Variants in CDYL2 observed in about 807,000 individuals in gnomAD.
CDYL2 encodes chromodomain Y like 2.
CDYL2 carries 23 observed loss-of-function variants against 49.4 expected under a neutral mutation model. That is an observed-to-expected ratio of 0.47 (90% CI 0.34 to 0.66). The LOEUF is 0.66. Ranked by LOEUF, CDYL2 falls within the 30% of genes least tolerant of loss-of-function variation. CDYL2 has a pLI of 0.01. For missense variants in CDYL2, 678 were observed against 656.4 expected (o/e 1.03, Z -0.36); for synonymous variants, 360 against 268.8 (o/e 1.34, Z -3.32).
At chr16:80,604,698 C>T in intron 6 of CDYL2, 152 bp from the exon 7 acceptor site, 2 of 745,552 alleles carry the variant, frequency 2.7e-6, no homozygotes, top group South Asian at 1.7e-5. Context: ...CCCATGTTTC[C>T]AGCACGGCCA....
intron 6 of CDYL2, among the ~76,000 whole-genome samples, chr16:80,606,893 T>C (rs936385994): frequency 2.6e-5 from 4 of 152,206 alleles, no homozygotes; most frequent in East Asian, 1.9e-4. Context: ...CCTTTGGCCT[T>C]CCGCCATGAT....
intron 2 of CDYL2, among the ~76,000 whole-genome samples, chr16:80,641,890 A>C (rs1195142153): frequency 6.6e-6 from 1 of 151,276 alleles, no homozygotes; most frequent in Non-Finnish European, 1.5e-5. Context: ...TAAAACTTAA[A>C]GTATAATAAT....
intron 1 of CDYL2, among the ~76,000 whole-genome samples, chr16:80,766,590 G>A (rs1204758745): frequency 6.6e-6 from 1 of 152,084 alleles, no homozygotes; most frequent in Non-Finnish European, 1.5e-5. Context: ...CAATGAGGCA[G>A]GCACTACTCT....
At chr16:80,684,447 G>T in intron 2 of CDYL2, 91 bp downstream of exon 2, 1 of 1,182,132 alleles carries the variant, frequency 8.5e-7, no homozygotes, top group Admixed American at 2.2e-5. Context: ...GGGGATGGAG[G>T]TGGGGGTCTT....
At chr16:80,749,447 T>A (rs1016664515) in intron 1 of CDYL2, among the ~76,000 whole-genome samples, 3 of 151,962 alleles carry the variant, frequency 2.0e-5, no homozygotes, top group Non-Finnish European at 2.9e-5. Flanking sequence ...AAATACTCAA[T>A]AAATACCAAA....
In CDYL2 at chr16:80,684,822, G is replaced by C. The variant is rs201777900; in HGVS notation, c.332C>G (p.Pro111Arg). ...CCCTTTTTTTGGCTTGGCCAGGGGAGGGTTAATTCGCTTCCGTTTATGGGA... is the reference window on the plus strand; with the variant it reads ...CCCTTTTTTTGGCTTGGCCAGGGGACGGTTAATTCGCTTCCGTTTATGGGA... ...GTSHKRKRIN[P>R]PLAKPKKGYS... is the part of the protein sequence containing the mutation. Residue 111 changes from proline (P) to arginine (R), a missense_variant, in exon 2 of 7, where the codon CCT (proline) becomes CGT (arginine). Pro to Arg is a moderately radical substitution (Grantham distance 103, BLOSUM62 -2). Transcript: ENST00000570137. The C allele has an allele frequency of 6.2e-6, 10 of 1,614,066 alleles. No homozygotes were observed. Among genetic ancestry groups the C allele is most frequent in the Non-Finnish European group, 8.5e-6 (10 of 1,180,048 alleles).
chr16:80,686,750 C>G (rs1268537671), intron 1 of CDYL2, among the ~76,000 whole-genome samples: 1 of 152,204 alleles, frequency 6.6e-6, no homozygotes, highest in African/African-American at 2.4e-5. Flanking sequence ...CTTTCTTTGC[C>G]TTGCACTTAA....
chr16:80,722,928 A>G (rs1190254191), intron 1 of CDYL2, among the ~76,000 whole-genome samples: 1 of 152,212 alleles, frequency 6.6e-6, no homozygotes, highest in Non-Finnish European at 1.5e-5. Flanking sequence ...CATAGAAGAG[A>G]AGACTCGGGA....
At chr16:80,623,449 G>A (rs1319596827) in intron 3 of CDYL2, among the ~76,000 whole-genome samples, 1 of 150,498 alleles carries the variant, frequency 6.6e-6, no homozygotes, top group Non-Finnish European at 1.5e-5. Context: ...TACGGAACAG[G>A]TCAGCTTCTG....
At chr16:80,788,756 A>G (rs1338711478) in intron 1 of CDYL2, among the ~76,000 whole-genome samples, 1 of 152,218 alleles carries the variant, frequency 6.6e-6, no homozygotes, top group East Asian at 1.9e-4. Context: ...TACCCATCTC[A>G]TAGAAAGGAT....
At chr16:80,679,360 AC>A (rs1167921917) in intron 2 of CDYL2, among the ~76,000 whole-genome samples, 2 of 152,188 alleles carry the variant, frequency 1.3e-5, no homozygotes, top group Non-Finnish European at 2.9e-5. Context: ...TCCCCCAGTC[AC>A]AAAATGTCTC....
intron 1 of CDYL2, among the ~76,000 whole-genome samples, chr16:80,788,436 A>G (rs1310023518): frequency 6.6e-6 from 1 of 152,226 alleles, no homozygotes; most frequent in African/African-American, 2.4e-5. Flanking sequence ...CTCTTGAACA[A>G]TACAACAGAC....
At chr16:80,721,478 T>C (rs978552945) in intron 1 of CDYL2, among the ~76,000 whole-genome samples, 1 of 152,186 alleles carries the variant, frequency 6.6e-6, no homozygotes, top group African/African-American at 2.4e-5. Flanking sequence ...TCAGTGACTA[T>C]TTGGGAGAGT....
At chr16:80,668,303 C>A (rs1013474463) in intron 2 of CDYL2, among the ~76,000 whole-genome samples, 2 of 152,086 alleles carry the variant, frequency 1.3e-5, no homozygotes, top group African/African-American at 2.4e-5. Context: ...CTTGGTGAGG[C>A]CTTGGCTAAC....
At chr16:80,708,400 A>G (rs1378510179) in intron 1 of CDYL2, among the ~76,000 whole-genome samples, 1 of 152,130 alleles carries the variant, frequency 6.6e-6, no homozygotes, top group African/African-American at 2.4e-5. Context: ...GTAAGACGTG[A>G]CTTTGCTCCT....
chr16:80,745,095 C>A (rs550458946), intron 1 of CDYL2, among the ~76,000 whole-genome samples: 5 of 152,304 alleles, frequency 3.3e-5, no homozygotes, highest in Admixed American at 2.6e-4. Flanking sequence ...CTTTAATCTG[C>A]AAAACCACTC....
chr16:80,715,797 C>A (rs1385928946), intron 1 of CDYL2, among the ~76,000 whole-genome samples: 1 of 152,220 alleles, frequency 6.6e-6, no homozygotes, highest in Non-Finnish European at 1.5e-5. Flanking sequence ...CTCTGCCCTG[C>A]AGCCACTCTA....
At position 80,604,367 on chromosome 16, in the gene CDYL2, G is replaced by A. The variant is rs199917237; in HGVS notation, c.*21C>T. The stretch of plus-strand genomic sequence containing the variant: ...AACACAGGGCAGAGCTGGAAGTTGG[G>A]GGCCCGTGAGCTGGGGCCCCTCAGA... On this transcript the variant is annotated 3_prime_UTR_variant, in exon 7 of 7. Transcript: ENST00000570137. 37 of 1,613,328 alleles carry A rather than the reference G, an allele frequency of 2.3e-5. No individual in the cohort carries two copies. The highest frequency in any genetic ancestry group is 4.0e-5 in the African/African-American group (3 of 74,860).
chr16:80,765,874 T>G (rs1444341342), intron 1 of CDYL2, among the ~76,000 whole-genome samples: 3 of 31,632 alleles, frequency 9.5e-5, no homozygotes, highest in Non-Finnish European at 1.6e-4. Context: ...GACCCTCATC[T>G]ACAAAAAAAA....
Sources: allele counts gnomAD v4.1 joint callset (sites outside exome capture counted in the v4.1 genomes callset), GRCh38; gene constraint gnomAD v4.1.1; transcripts MANE v1.5; gene names NCBI Gene and HGNC (gene_info 2026-07-23, HGNC 2026-07-21).